The following YWHAQ variants were observed in gnomAD, a reference collection of about 807,000 sequenced individuals.
YWHAQ encodes tyrosine 3-monooxygenase/tryptophan 5-monooxygenase activation protein theta.
A neutral mutation model predicts 28.3 loss-of-function variants in YWHAQ; 6 were observed. The observed-to-expected ratio is 0.21, with a 90% CI of 0.12 to 0.42. The LOEUF (loss-of-function observed/expected upper bound fraction) is 0.42. YWHAQ is among the 10% of genes least tolerant of loss of function. YWHAQ has a pLI of 1.00. For synonymous variants in YWHAQ, 143 were observed against 119.1 expected (o/e 1.20, Z -1.31); for missense variants, 201 against 305.6 (o/e 0.66, Z 2.55).
chr2:9,615,593 A>G (rs1352597502), intron 2 of YWHAQ, among the ~76,000 whole-genome samples: 2 of 152,144 alleles, frequency 1.3e-5, no homozygotes. Context: ...GTAATGATTG[A>G]GTGAAGAAGC....
chr2:9,624,910 T>C (rs1667218753), intron 2 of YWHAQ, among the ~76,000 whole-genome samples: 1 of 151,844 alleles, frequency 6.6e-6, no homozygotes, highest in African/African-American at 2.4e-5. Context: ...GCCAGGCTAA[T>C]TTTTTGTATT....
At chr2:9,609,585 T>TAA (rs55718607) in intron 2 of YWHAQ, among the ~76,000 whole-genome samples, 10 of 150,554 alleles carry the variant, frequency 6.6e-5, no homozygotes, top group South Asian at 2.1e-4. Context: ...CCAAGCAAGA[T>TAA]AAAAAAAAAT....
Position 9,585,902 on chromosome 2 carries a change from G to C in YWHAQ, c.679-557C>G, listed in dbSNP as rs557128854. Reference sequence around the variant, plus strand: ...CACTCCAGCCTAGGCAACAGGGTGAGATCCTTTCTCAAAAAAAAAAAAAAA... The same window carrying C: ...CACTCCAGCCTAGGCAACAGGGTGACATCCTTTCTCAAAAAAAAAAAAAAA... On this transcript the variant is annotated intron_variant, in intron 5 of 5. Transcript: ENST00000238081. Among the ~76,000 whole-genome samples, 50 of 126,290 alleles carry C rather than the reference G, an allele frequency of 4.0e-4. 1 individual carries two copies. In the South Asian group the frequency reaches 9.1e-3, roughly 23 times the overall value. 82.9% of individuals were successfully genotyped at this position (126,290 alleles called of 152,430 possible).
At chr2:9,586,490 A>G (rs1666346682) in intron 5 of YWHAQ, among the ~76,000 whole-genome samples, 1 of 152,188 alleles carries the variant, frequency 6.6e-6, no homozygotes, top group African/African-American at 2.4e-5. Context: ...AACCGATTAA[A>G]AGATAGTTAG....
chr2:9,621,503 C>A (rs1667142343), intron 2 of YWHAQ, among the ~76,000 whole-genome samples: 1 of 152,194 alleles, frequency 6.6e-6, no homozygotes, highest in Non-Finnish European at 1.5e-5. Flanking sequence ...CCACCTGGAT[C>A]TTACCATTAA....
intron 2 of YWHAQ, chr2:9,628,871 C>A (rs1573009858): frequency 6.6e-6 from 1 of 152,330 alleles, no homozygotes; most frequent in Admixed American, 6.5e-5. Flanking sequence ...TTAGTACACA[C>A]TGTCTGCATT....
intron 2 of YWHAQ, among the ~76,000 whole-genome samples, chr2:9,614,384 A>G (rs922125860): frequency 6.6e-6 from 1 of 152,206 alleles, no homozygotes; most frequent in African/African-American, 2.4e-5. Flanking sequence ...AGCATCCACA[A>G]GCTGTTTTAG....
At chr2:9,600,459 C>A (rs1313953053) in intron 2 of YWHAQ, among the ~76,000 whole-genome samples, 2 of 152,160 alleles carry the variant, frequency 1.3e-5, no homozygotes, top group Non-Finnish European at 2.9e-5. Flanking sequence ...ATAATCCCAG[C>A]ACTTGAGAGG....
chr2:9,630,523 G>A lies in YWHAQ; in HGVS notation c.-71C>T, dbSNP rs931465361. On this transcript the variant is annotated 5_prime_UTR_variant, in exon 2 of 6. Transcript: ENST00000238081. The surrounding 1 kb of genome is among the most constrained non-coding windows in gnomAD (Gnocchi z 5.6). ...GGCGAGCGCCGACCCGCAGCGGGAG[G>A]AGCCTCGAGAGCTGCGGAGGGGCGG... The A allele has an allele frequency of 8.6e-6, 12 of 1,400,204 alleles. No homozygotes were observed. Among genetic ancestry groups the A allele is most frequent in the African/African-American group, 2.9e-5 (2 of 69,526 alleles). 86.7% of individuals were successfully genotyped at this position (1,400,204 alleles called of 1,614,324 possible). A position where few individuals can be genotyped will look rare whatever the true frequency, so the allele number is the denominator to read the frequency against.
chr2:9,614,728 G>T (rs1667012893), intron 2 of YWHAQ, among the ~76,000 whole-genome samples: 1 of 152,178 alleles, frequency 6.6e-6, no homozygotes, highest in Non-Finnish European at 1.5e-5. Flanking sequence ...ATGGCAAACT[G>T]AATTAAGCCA....
At chr2:9,587,691 T>A (rs1373162261) in intron 4 of YWHAQ, among the ~76,000 whole-genome samples, 182 bp from the exon 5 acceptor site, 1 of 152,254 alleles carries the variant, frequency 6.6e-6, no homozygotes, top group Non-Finnish European at 1.5e-5. Context: ...TGGAATTTTA[T>A]AAAACTATAC....
intron 2 of YWHAQ, among the ~76,000 whole-genome samples, chr2:9,618,962 CTAAT>C (rs1667088792): frequency 6.6e-6 from 1 of 152,056 alleles, no homozygotes; most frequent in South Asian, 2.1e-4. Context: ...TCCATAAACT[CTAAT>C]TACAAATTCT....
At chr2:9,602,859 A>T (rs1572994316) in intron 2 of YWHAQ, among the ~76,000 whole-genome samples, 3 of 13,946 alleles carry the variant, frequency 2.2e-4, no homozygotes, top group African/African-American at 2.9e-4. Context: ...AAAAAAAAAA[A>T]AAAATATATA....
intron 3 of YWHAQ, among the ~76,000 whole-genome samples, chr2:9,589,571 A>G (rs538339628): frequency 6.6e-6 from 1 of 152,244 alleles, no homozygotes; most frequent in South Asian, 2.1e-4. Flanking sequence ...CAACAAGAGC[A>G]AAACTCCATT....
intron 2 of YWHAQ, among the ~76,000 whole-genome samples, chr2:9,602,863 A>ATG (rs1558545274): frequency 3.8e-3 from 28 of 7,418 alleles, no homozygotes; most frequent in South Asian, 9.1e-3. Flanking sequence ...AAAAAAAAAA[A>ATG]TATATATATA....
At chr2:9,596,811 T>C (rs1666580520) in intron 2 of YWHAQ, among the ~76,000 whole-genome samples, 1 of 152,138 alleles carries the variant, frequency 6.6e-6, no homozygotes, top group East Asian at 1.9e-4. Flanking sequence ...CAAGCGATTC[T>C]TTGGCCTCAG....
chr2:9,588,077 G>T, intron 4 of YWHAQ, 88 bp downstream of exon 4: 1 of 1,412,460 alleles, frequency 7.1e-7, no homozygotes, highest in Non-Finnish European at 9.4e-7. Flanking sequence ...TCATCCCTGG[G>T]TATCCAAGTA....
chr2:9,621,297 A>G (rs549658500), intron 2 of YWHAQ, among the ~76,000 whole-genome samples: 1 of 152,322 alleles, frequency 6.6e-6, no homozygotes, highest in Admixed American at 6.5e-5. Flanking sequence ...CAAACAAAAA[A>G]GTGATGGTGC....
rs940159233 is a variant in YWHAQ at position 9,599,869 on chromosome 2, G to A, written c.295-8354C>T. On this transcript the variant is annotated intron_variant, in intron 2 of 5. Transcript: ENST00000238081. The stretch of plus-strand genomic sequence containing the variant: ...TGGAATTATTTAAGAAATACATTTC[G>A]TAAGGCCATAGCTGTCATAGACAGT... Among the ~76,000 whole-genome samples, 13 of 152,240 alleles carry A rather than the reference G, an allele frequency of 8.5e-5. 1 individual carries two copies. In the South Asian group the frequency reaches 1.0e-3, roughly 12 times the overall value.
Sources: allele counts gnomAD v4.1 joint callset (sites outside exome capture counted in the v4.1 genomes callset), GRCh38; gene constraint gnomAD v4.1.1; non-coding constraint Gnocchi (gnomAD v3.1); transcripts MANE v1.5; gene names NCBI Gene and HGNC (gene_info 2026-07-23, HGNC 2026-07-21).